NTN4: variants seen among roughly 807,000 people sequenced by gnomAD.
NTN4 encodes netrin 4, also known as netrin-4.
In NTN4, 32 loss-of-function variants were observed where a neutral mutation model predicts 73.6. The observed-to-expected ratio is 0.44, with a 90% CI of 0.33 to 0.58. The LOEUF is 0.58. Among genes scored for constraint, NTN4 ranks in the 20% least tolerant of loss-of-function variants. The pLI, the probability that NTN4 is intolerant of heterozygous loss-of-function variation, is 0.04. For synonymous variants in NTN4, 258 were observed against 287.5 expected (o/e 0.90, Z 1.04); for missense variants, 654 against 798.3 (o/e 0.82, Z 2.18).
chr12:95,782,637 C>T lies in NTN4; in HGVS notation c.585+4302G>A, dbSNP rs145796732. 2.3e-4 allele frequency among the ~76,000 whole-genome samples: 35 copies of T among 152,274 alleles called. No individual in the cohort carries two copies. In the East Asian group the frequency reaches 6.4e-3, roughly 28 times the overall value. ...AAGATTACTTTGAGACCCAGCTACT[C>T]CCTCTGTTCTTGGCTTCTCTGTACT... On this transcript the variant is annotated intron_variant, in intron 2 of 9. Coordinates refer to ENST00000343702, the MANE Select transcript of NTN4 (RefSeq NM_021229.4).
chr12:95,678,349 T>TAAAAAAA (rs59083360), intron 7 of NTN4, among the ~76,000 whole-genome samples: 19 of 110,898 alleles, frequency 1.7e-4, no homozygotes, highest in East Asian at 1.4e-3. Flanking sequence ...GAACTTAAAG[T>TAAAAAAA]AAAAAAAAAA....
At chr12:95,747,430 C>T (rs140950014) in intron 2 of NTN4, among the ~76,000 whole-genome samples, 22 of 152,194 alleles carry the variant, frequency 1.4e-4, no homozygotes, top group African/African-American at 4.6e-4. Context: ...AATCCTCCTG[C>T]GTAGCTGGGA....
At chr12:95,785,341 A>G (rs564658779) in intron 2 of NTN4, among the ~76,000 whole-genome samples, 2 of 152,374 alleles carry the variant, frequency 1.3e-5, no homozygotes, top group African/African-American at 2.4e-5. Context: ...TTTTCAGCAC[A>G]AAGTGTTCTC....
chr12:95,777,720 G>A (rs1480246132), intron 2 of NTN4, among the ~76,000 whole-genome samples: 4 of 152,084 alleles, frequency 2.6e-5, no homozygotes, highest in Non-Finnish European at 5.9e-5. Context: ...AATAATGGGG[G>A]ACTTTAACAC....
chr12:95,730,376 C>T (rs1281540509), intron 3 of NTN4, among the ~76,000 whole-genome samples: 2 of 152,108 alleles, frequency 1.3e-5, no homozygotes, highest in East Asian at 3.9e-4. Context: ...TATCCTTTCA[C>T]CTCTCTGTGA....
rs913338826 is a variant in NTN4, at chr12:95,781,099, T to C, written c.585+5840A>G. On this transcript the variant is annotated intron_variant, in intron 2 of 9. Coordinates refer to ENST00000343702, the MANE Select transcript of NTN4 (RefSeq NM_021229.4). The surrounding 1 kb of genome is among the most constrained non-coding windows in gnomAD (Gnocchi z 4.1). ...TCACTTATAGGTGGGAATTGAACAA[T>C]GAGAACACTTGGGCACAGGAAGGGG... is the stretch of plus-strand genomic sequence containing the variant. 2.6e-5 allele frequency among the ~76,000 whole-genome samples: 4 copies of C among 151,896 alleles called. No homozygotes were observed. The highest frequency in any genetic ancestry group is 4.4e-5 in the Non-Finnish European group (3 of 67,992).
Position 95,725,006 on chromosome 12 carries a change from A to AGGATTTTTTTTTTTTT in NTN4, c.865-11669_865-11668insAAAAAAAAAAAAATCC, listed in dbSNP as rs1454896864. Among the ~76,000 whole-genome samples, 57 of 135,836 alleles carry AGGATTTTTTTTTTTTT rather than the reference A, an allele frequency of 4.2e-4. 6 individuals carry two copies. The highest frequency in any genetic ancestry group is 4.2e-4 in the East Asian group (2 of 4,782). The allele number at this position is 135,836 out of a possible 152,430, so 89.1% of individuals were successfully genotyped here. A position where few individuals can be genotyped will look rare whatever the true frequency, so the allele number is the denominator to read the frequency against. On this transcript the variant is annotated intron_variant, in intron 3 of 9. Coordinates refer to ENST00000343702, the MANE Select transcript of NTN4 (RefSeq NM_021229.4). Reference sequence around the variant, plus strand: ...ATCTTAGAACAGTGATGTCATCAGGATTTTTTTTTTTTTTTTGCTTCCCAC... The same window carrying AGGATTTTTTTTTTTTT: ...ATCTTAGAACAGTGATGTCATCAGGAGGATTTTTTTTTTTTTTTTTTTTTTTTTTTTTGCTTCCCAC...
intron 2 of NTN4, among the ~76,000 whole-genome samples, chr12:95,754,616 A>C (rs1244388643): frequency 1.3e-5 from 2 of 151,978 alleles, no homozygotes; most frequent in African/African-American, 4.8e-5. Flanking sequence ...TTCCTGCCCC[A>C]CCTTAACTGA....
chr12:95,783,153 G>A (rs556659065), intron 2 of NTN4, among the ~76,000 whole-genome samples: 1 of 152,322 alleles, frequency 6.6e-6, no homozygotes, highest in East Asian at 1.9e-4. Context: ...GCCTGTCTGT[G>A]CCTTTCACCA....
At chr12:95,788,736 T>C (rs1175432699) in intron 1 of NTN4, among the ~76,000 whole-genome samples, 1 of 152,222 alleles carries the variant, frequency 6.6e-6, no homozygotes, top group Non-Finnish European at 1.5e-5. Flanking sequence ...ATTTTTTAAA[T>C]GTCAAATTAA....
At chr12:95,770,900 G>C (rs1285220761) in intron 2 of NTN4, among the ~76,000 whole-genome samples, 1 of 152,188 alleles carries the variant, frequency 6.6e-6, no homozygotes, top group African/African-American at 2.4e-5. Flanking sequence ...GCAGGAAGGG[G>C]AAGAAGAGAA....
chr12:95,703,389 C>T (rs563779147), intron 5 of NTN4, among the ~76,000 whole-genome samples: 5 of 152,264 alleles, frequency 3.3e-5, no homozygotes, highest in African/African-American at 1.2e-4. Flanking sequence ...AATCTTCTAG[C>T]GTGTGTCTTC....
At chr12:95,729,375 A>G (rs534480719) in intron 3 of NTN4, among the ~76,000 whole-genome samples, 1 of 152,208 alleles carries the variant, frequency 6.6e-6, no homozygotes, top group South Asian at 2.1e-4. Context: ...ATGCCAAATT[A>G]GAATCCCATA....
chr12:95,689,239 A>G (rs1405114845), intron 5 of NTN4, among the ~76,000 whole-genome samples: 2 of 152,206 alleles, frequency 1.3e-5, no homozygotes, highest in Non-Finnish European at 2.9e-5. Context: ...ACAAATGTTA[A>G]TAATAATAAT....
chr12:95,718,642 T>TG (rs2078625251), intron 3 of NTN4, among the ~76,000 whole-genome samples: 3 of 152,096 alleles, frequency 2.0e-5, no homozygotes, highest in Non-Finnish European at 4.4e-5. Flanking sequence ...CCTGGAATCA[T>TG]CTGAAAATCA....
At chr12:95,787,501 A>C in intron 1 of NTN4, 33 bp from the exon 2 acceptor site, 1 of 1,597,822 alleles carries the variant, frequency 6.3e-7, no homozygotes, top group Non-Finnish European at 8.5e-7. Context: ...GATGCAAGAC[A>C]AACCCATCTG....
At chr12:95,790,930 G>GT (rs923836859), upstream of NTN4, among the ~76,000 whole-genome samples, 2 of 145,398 alleles carry the variant, frequency 1.4e-5, no homozygotes, top group South Asian at 2.2e-4. This position sits in a 1 kb window ranked among gnomAD's most constrained non-coding sequence, Gnocchi z 6.5. Flanking sequence ...CTGCCGCCCG[G>GT]GGGGGGGGTC....
At chr12:95,712,421 C>A (rs534574097) in intron 4 of NTN4, among the ~76,000 whole-genome samples, 3 of 152,280 alleles carry the variant, frequency 2.0e-5, no homozygotes, top group African/African-American at 7.2e-5. Context: ...CATTTACTAA[C>A]TTTGGCAAAT....
chr12:95,768,492 G>A (rs960684480), intron 2 of NTN4, among the ~76,000 whole-genome samples: 1 of 152,024 alleles, frequency 6.6e-6, no homozygotes, highest in Non-Finnish European at 1.5e-5. Flanking sequence ...CATGGCACCT[G>A]AGAGTGATCC....
Sources: gnomAD v4.1 joint callset for allele counts (sites outside exome capture counted in the v4.1 genomes callset) on GRCh38, gnomAD v4.1.1 for gene constraint, Gnocchi (gnomAD v3.1) non-coding constraint, MANE v1.5 for transcripts, NCBI Gene and HGNC (gene_info 2026-07-23, HGNC 2026-07-21) for gene names.